The following LPP variants were observed in gnomAD, a reference collection of about 807,000 sequenced individuals.
The protein encoded by LPP is LIM domain containing preferred translocation partner in lipoma, also known as lipoma-preferred partner.
A neutral mutation model predicts 60.4 loss-of-function variants in LPP; 38 were observed. That is an observed-to-expected ratio of 0.63 (90% CI 0.49 to 0.83). LPP has a LOEUF of 0.83. Ranked by LOEUF, LPP falls within the 40% of genes least tolerant of loss-of-function variation. LPP has a pLI of 0.00. For synonymous variants in LPP, 328 were observed against 290.8 expected (o/e 1.13, Z -1.30); for missense variants, 902 against 783.6 (o/e 1.15, Z -1.80).
At chr3:188,469,834 G>A (rs748971650) in intron 4 of LPP, among the ~76,000 whole-genome samples, 45 of 152,156 alleles carry the variant, frequency 3.0e-4, no homozygotes, top group South Asian at 8.3e-4. Context: ...TGAAGAATGT[G>A]TTTCTGGGCA....
chr3:188,162,874 G>A (rs1015639391), intron 1 of LPP, among the ~76,000 whole-genome samples: 1 of 152,164 alleles, frequency 6.6e-6, no homozygotes, highest in Admixed American at 6.5e-5. Flanking sequence ...CCTAGTTCAA[G>A]TCCTCGTTGT....
At chr3:188,858,183 T>C (rs1167252666) in intron 9 of LPP, among the ~76,000 whole-genome samples, 2 of 152,206 alleles carry the variant, frequency 1.3e-5, no homozygotes, top group Admixed American at 6.5e-5. Flanking sequence ...ACATGACTTA[T>C]GTTGTAAAGG....
intron 7 of LPP, among the ~76,000 whole-genome samples, chr3:188,665,235 C>T (rs1159640091): frequency 6.6e-6 from 1 of 152,024 alleles, no homozygotes; most frequent in East Asian, 1.9e-4. Flanking sequence ...GTTGAATGGG[C>T]TACAGGCATT....
At chr3:188,216,290 T>TC (rs533469567) in intron 1 of LPP, among the ~76,000 whole-genome samples, 4,558 of 150,026 alleles carry the variant, frequency 0.03, 91 homozygotes, top group South Asian at 0.074. Flanking sequence ...TTTTTTTTTT[T>TC]TGATGGAGTC....
At chr3:188,702,169 G>T (rs1175503463) in intron 7 of LPP, among the ~76,000 whole-genome samples, 1 of 151,726 alleles carries the variant, frequency 6.6e-6, no homozygotes, top group East Asian at 1.9e-4. Context: ...TGTTAGCTAG[G>T]ATGGTCTCGA....
At chr3:188,235,774 C>T (rs987451954) in intron 2 of LPP, among the ~76,000 whole-genome samples, 3 of 152,136 alleles carry the variant, frequency 2.0e-5, no homozygotes, top group Non-Finnish European at 2.9e-5. Flanking sequence ...TTTAGGCCTC[C>T]TCCAACCACC....
intron 6 of LPP, among the ~76,000 whole-genome samples, chr3:188,528,259 C>T (rs907114862): frequency 6.6e-6 from 1 of 152,042 alleles, no homozygotes; most frequent in African/African-American, 2.4e-5. Context: ...AATCTCCTGA[C>T]CTCGTGACTG....
At chr3:188,250,945 TTCCCTTCCCTTCCCTTCCCTTC>T (rs1281853431) in intron 2 of LPP, among the ~76,000 whole-genome samples, 1 of 26,398 alleles carries the variant, frequency 3.8e-5, no homozygotes, top group African/African-American at 1.7e-4. Context: ...TTCCCTTCCC[TTCCCTTCCCTTCCCTTCCCTTC>T]CCTTCCCTTC....
At chr3:188,510,912 A>C (rs1484320750) in intron 5 of LPP, among the ~76,000 whole-genome samples, 1 of 151,914 alleles carries the variant, frequency 6.6e-6, no homozygotes, top group Non-Finnish European at 1.5e-5. Context: ...TTTTTTCTCG[A>C]ACATCTTGTG....
chr3:188,316,452 A>G (rs1755100073), intron 2 of LPP, among the ~76,000 whole-genome samples: 1 of 151,012 alleles, frequency 6.6e-6, no homozygotes, highest in Non-Finnish European at 1.5e-5. Context: ...GAAAAAAAAA[A>G]TAAGAATTGC....
chr3:188,307,320 G>A (rs561942763), intron 2 of LPP, among the ~76,000 whole-genome samples: 1 of 152,214 alleles, frequency 6.6e-6, no homozygotes, highest in South Asian at 2.1e-4. Context: ...AGAATGATTG[G>A]CGTGCCCTTA....
At chr3:188,814,940 G>A (rs1752055193) in intron 9 of LPP, among the ~76,000 whole-genome samples, 3 of 152,198 alleles carry the variant, frequency 2.0e-5, no homozygotes, top group Admixed American at 6.5e-5. Flanking sequence ...CTCAGTGAAT[G>A]CTCTTATCCG....
chr3:188,313,913 T>A (rs914105783), intron 2 of LPP, among the ~76,000 whole-genome samples: 1 of 152,182 alleles, frequency 6.6e-6, no homozygotes, highest in African/African-American at 2.4e-5. Flanking sequence ...TCTATTTCAT[T>A]TAATTATATG....
Position 188,352,483 on chromosome 3 carries a change from C to G in LPP, c.-10+10764C>G, listed in dbSNP as rs1015070916. Among the ~76,000 whole-genome samples, 1 of 152,264 alleles carries G rather than the reference C, an allele frequency of 6.6e-6. No homozygotes were observed. The highest frequency in any genetic ancestry group is 2.4e-5 in the African/African-American group (1 of 41,554). On this transcript the variant is annotated intron_variant, in intron 3 of 11. Coordinates refer to ENST00000617246, the MANE Select transcript of LPP (RefSeq NM_001375462.1). This position sits in a 1 kb window ranked among gnomAD's most constrained non-coding sequence, Gnocchi z 4.4. Reference sequence around the variant, plus strand: ...CTTCGGGAGCTGTGTGACTGGCGAGCCCTCAGTTGCCACTTGGAAACGGTT... The same window carrying G: ...CTTCGGGAGCTGTGTGACTGGCGAGGCCTCAGTTGCCACTTGGAAACGGTT...
chr3:188,363,722 T>C (rs1475361402), intron 3 of LPP, among the ~76,000 whole-genome samples: 22 of 151,896 alleles, frequency 1.4e-4, no homozygotes, highest in Admixed American at 1.3e-3. Flanking sequence ...CTGGCCAACA[T>C]GGTGAAACCC....
At chr3:188,613,262 C>CTATATCTATATCTATATT (rs1844111974) in intron 7 of LPP, among the ~76,000 whole-genome samples, 1 of 36,226 alleles carries the variant, frequency 2.8e-5, no homozygotes, top group Admixed American at 3.2e-4. Flanking sequence ...ATATCTATAC[C>CTATATCTATATCTATATT]TATATCTATA....
At chr3:188,673,556 T>C (rs6444319) in intron 7 of LPP, among the ~76,000 whole-genome samples, 149,923 of 152,248 alleles carry the variant, frequency 0.98, 73,851 homozygotes, top group East Asian at 1. Flanking sequence ...TTTAAAACAT[T>C]ATGGGTAGGG....
At chr3:188,717,812 GTGTT>G (rs1190759655) in intron 8 of LPP, among the ~76,000 whole-genome samples, 4 of 151,992 alleles carry the variant, frequency 2.6e-5, no homozygotes, top group Non-Finnish European at 5.9e-5. Context: ...TTTGGCTAGT[GTGTT>G]TGTTTGTTTG....
intron 1 of LPP, among the ~76,000 whole-genome samples, chr3:188,187,674 C>T (rs765398887): frequency 2.0e-5 from 3 of 151,936 alleles, no homozygotes; most frequent in Non-Finnish European, 2.9e-5. Context: ...TAATTTCTTA[C>T]GCAGTTTCCC....
Sources: gnomAD v4.1 joint callset for allele counts (sites outside exome capture counted in the v4.1 genomes callset) on GRCh38, gnomAD v4.1.1 for gene constraint, Gnocchi (gnomAD v3.1) non-coding constraint, MANE v1.5 for transcripts, NCBI Gene and HGNC (gene_info 2026-07-23, HGNC 2026-07-21) for gene names.